The following NSD2 variants were observed in gnomAD, a reference collection of about 807,000 sequenced individuals.
The protein encoded by NSD2 is histone-lysine N-methyltransferase NSD2.
NSD2 carries 12 observed loss-of-function variants against 139.0 expected under a neutral mutation model. The observed-to-expected ratio is 0.09, with a 90% CI of 0.06 to 0.14. NSD2 has a LOEUF of 0.14. Ranked by LOEUF, NSD2 falls within the 10% of genes least tolerant of loss-of-function variation. NSD2 has a pLI of 1.00. For missense variants in NSD2, 1,155 were observed against 1,745.0 expected (o/e 0.66, Z 6.02); for synonymous variants, 669 against 648.7 (o/e 1.03, Z -0.48).
chr4:1,890,441 G>A (rs1312180538), intron 1 of NSD2, among the ~76,000 whole-genome samples: 2 of 151,700 alleles, frequency 1.3e-5, no homozygotes, highest in Non-Finnish European at 2.9e-5. Context: ...TGGGACTACA[G>A]GCGCCCGCCA....
chr4:1,920,123 G>A (rs944761219), intron 5 of NSD2, among the ~76,000 whole-genome samples: 3 of 152,146 alleles, frequency 2.0e-5, no homozygotes, highest in African/African-American at 7.2e-5. Context: ...TATGGGATCT[G>A]GAAATTCTGC....
At chr4:1,904,652 G>T (rs188156836) in intron 3 of NSD2, among the ~76,000 whole-genome samples, 1 of 152,110 alleles carries the variant, frequency 6.6e-6, no homozygotes, top group Non-Finnish European at 1.5e-5. Context: ...ATTTAGTTAC[G>T]ATGATTGCTT....
At chr4:1,903,225 A>C (rs2108753596) in intron 2 of NSD2, among the ~76,000 whole-genome samples, 1 of 152,318 alleles carries the variant, frequency 6.6e-6, no homozygotes, top group Non-Finnish European at 1.5e-5. Flanking sequence ...ACTCATGTGT[A>C]TAGTGCTCTT....
In NSD2 at chr4:1,938,448, TAGAG is replaced by T. The variant is rs1553873247; in HGVS notation, c.1676_1679del (p.Arg559ThrfsTer38). ...TTTTTTTTTTTTTTTTTTTAAATAA[TAGAG>T]AGACACAATCACTGACAAAACGGCC... On this transcript the variant is annotated splice_acceptor_variant and coding_sequence_variant, in exon 8 of 22. Coordinates refer to ENST00000508803, the MANE Select transcript of NSD2 (RefSeq NM_001042424.3). LOFTEE classifies it high-confidence loss of function. 2 of 1,031,062 alleles carry T rather than the reference TAGAG, an allele frequency of 1.9e-6. No individual in the cohort carries two copies. Among genetic ancestry groups the T allele is most frequent in the Non-Finnish European group, 1.4e-6 (1 of 696,622 alleles). The allele number at this position is 1,031,062 out of a possible 1,614,324, so 63.9% of individuals were successfully genotyped here. A position where few individuals can be genotyped will look rare whatever the true frequency, so the allele number is the denominator to read the frequency against.
chr4:1,888,653 C>G (rs1165460771), intron 1 of NSD2, among the ~76,000 whole-genome samples: 4 of 151,978 alleles, frequency 2.6e-5, no homozygotes, highest in Non-Finnish European at 5.9e-5. Flanking sequence ...CGGCCTCCAC[C>G]TCCAGGGTTC....
rs139616564 is a variant in NSD2 at position 1,961,954 on chromosome 4, G to A, written c.3372+803G>A. ...CTTAAGCTCATCATCTAGCAGGAAA[G>A]TCTGGCTATTTTTAAAAGAGTAGAT... On this transcript the variant is annotated intron_variant, in intron 18 of 21. Coordinates refer to ENST00000508803, the MANE Select transcript of NSD2 (RefSeq NM_001042424.3). Among the ~76,000 whole-genome samples, 13 of 152,362 alleles carry A rather than the reference G, an allele frequency of 8.5e-5. No individual in the cohort carries two copies. In the East Asian group the frequency reaches 2.3e-3, roughly 27 times the overall value.
In NSD2 at chr4:1,900,855, C is replaced by A. The variant is rs145556817; in HGVS notation, c.201C>A (p.Gly67=). The A allele has an allele frequency of 1.2e-6, 2 of 1,613,346 alleles. No homozygotes were observed. Among genetic ancestry groups the A allele is most frequent in the Non-Finnish European group, 1.7e-6 (2 of 1,179,640 alleles). Residue 67 remains glycine, a synonymous_variant, in exon 2 of 22, where the codon GGC becomes GGA. Transcript: ENST00000508803. The part of the protein sequence containing the change: ...LQEGVMQKFN[G]HDALPFIPAD... ...AGGGGGTCATGCAGAAGTTTAACGG[C>A]CACGACGCCCTGCCCTTTATTCCAG... is the stretch of plus-strand genomic sequence containing the variant.
intron 1 of NSD2, among the ~76,000 whole-genome samples, chr4:1,891,158 T>A (rs188313141): frequency 6.6e-6 from 1 of 152,206 alleles, no homozygotes; most frequent in Non-Finnish European, 1.5e-5. Context: ...CCTCCCATAG[T>A]ACTGAGATTA....
At chr4:1,871,924 C>G (rs1306760301) in intron 1 of NSD2, among the ~76,000 whole-genome samples, 2 of 147,610 alleles carry the variant, frequency 1.4e-5, no homozygotes, top group African/African-American at 4.9e-5. Flanking sequence ...TGCGGCTGCA[C>G]CTGTGCCCGG....
intron 18 of NSD2, among the ~76,000 whole-genome samples, chr4:1,969,466 G>A (rs1230520056): frequency 1.3e-5 from 2 of 152,040 alleles, no homozygotes; most frequent in African/African-American, 4.8e-5. Flanking sequence ...TTGGGAGGCC[G>A]AGGCAGGAGA....
At chr4:1,935,348 A>G (rs932655632) in intron 7 of NSD2, 86 bp downstream of exon 7, 5 of 1,016,714 alleles carry the variant, frequency 4.9e-6, no homozygotes, top group Admixed American at 4.0e-5. Flanking sequence ...GGGAGCACAC[A>G]TGAGATGCAG....
At chr4:1,906,397 C>A (rs1354648496) in intron 3 of NSD2, among the ~76,000 whole-genome samples, 7 of 151,884 alleles carry the variant, frequency 4.6e-5, no homozygotes, top group Admixed American at 4.6e-4. Context: ...TGCCACCACA[C>A]CTGGCTAATT....
chr4:1,874,176 G>T (rs1376491343), intron 1 of NSD2, among the ~76,000 whole-genome samples: 1 of 152,074 alleles, frequency 6.6e-6, no homozygotes, highest in Non-Finnish European at 1.5e-5. Context: ...TTGTTTTTTG[G>T]TGGGCTGCTC....
At chr4:1,896,923 C>CA (rs1716423061) in intron 1 of NSD2, among the ~76,000 whole-genome samples, 1 of 151,934 alleles carries the variant, frequency 6.6e-6, no homozygotes, top group African/African-American at 2.4e-5. Flanking sequence ...GTAATCCCAG[C>CA]ACTTTGAAAG....
chr4:1,899,974 C>T (rs1426771557), intron 1 of NSD2, among the ~76,000 whole-genome samples: 1 of 152,190 alleles, frequency 6.6e-6, no homozygotes, highest in Admixed American at 6.5e-5. Context: ...TTGAGCATAG[C>T]CAGACCTGAC....
chr4:1,898,987 T>A (rs969080390), intron 1 of NSD2, among the ~76,000 whole-genome samples: 3 of 152,150 alleles, frequency 2.0e-5, no homozygotes, highest in Non-Finnish European at 4.4e-5. Flanking sequence ...CAGGAGGTGG[T>A]TTTTTATGTT....
chr4:1,930,551 T>C (rs530759720), intron 5 of NSD2, 75 bp from the exon 6 acceptor site: 1 of 1,461,778 alleles, frequency 6.8e-7, no homozygotes, highest in South Asian at 1.5e-5. Context: ...GGCCGTGCAT[T>C]TGATTTCATG....
At chr4:1,887,024 C>T (rs1715168446) in intron 1 of NSD2, among the ~76,000 whole-genome samples, 1 of 152,094 alleles carries the variant, frequency 6.6e-6, no homozygotes, top group Non-Finnish European at 1.5e-5. Flanking sequence ...TATTCCAGAA[C>T]TTAGTGGTTG....
rs1726864875 is a variant in NSD2, at chr4:1,974,609, CT to C, written c.3373-253del. 4 of 624,226 alleles carry C rather than the reference CT, an allele frequency of 6.4e-6. No homozygotes were observed. In the Admixed American group the frequency reaches 8.6e-5, roughly 13 times the overall value. The allele number at this position is 624,226 out of a possible 1,614,324, so 38.7% of individuals were successfully genotyped here. On this transcript the variant is annotated intron_variant, in intron 18 of 21. Coordinates refer to ENST00000508803, the MANE Select transcript of NSD2 (RefSeq NM_001042424.3). This position sits in a 1 kb window ranked among gnomAD's most constrained non-coding sequence, Gnocchi z 4.0. Reference sequence around the variant, plus strand: ...TTGCCATCATGGAGGATGCTGGGAGCTCCAGCTCCCTGTCCTGTCCTCCCCG... The same window carrying C: ...TTGCCATCATGGAGGATGCTGGGAGCCCAGCTCCCTGTCCTGTCCTCCCCG...
Sources: allele counts gnomAD v4.1 joint callset (sites outside exome capture counted in the v4.1 genomes callset), GRCh38; gene constraint gnomAD v4.1.1; non-coding constraint Gnocchi (gnomAD v3.1); transcripts MANE v1.5; gene names NCBI Gene and HGNC (gene_info 2026-07-23, HGNC 2026-07-21).